Variants in IGFL3 observed in about 807,000 individuals in gnomAD.
IGFL3 encodes insulin growth factor-like family member 3.
IGFL3 carries 12 observed loss-of-function variants against 17.0 expected under a neutral mutation model. The ratio of observed to expected loss-of-function variants is 0.71; its 90% CI spans 0.45 to 1.14. IGFL3 has a LOEUF of 1.14. Ranked by LOEUF, IGFL3 falls within the 50% of genes most tolerant of loss-of-function variation. The pLI is 0.00. For synonymous variants in IGFL3, 52 were observed against 57.4 expected (o/e 0.91, Z 0.42); for missense variants, 153 against 151.6 (o/e 1.01, Z -0.05).
At position 46,124,163 on chromosome 19, in the gene IGFL3, G is replaced by A. The variant is rs140425583; in HGVS notation, c.80-7C>T. 1,777 of 1,610,022 alleles carry A rather than the reference G, an allele frequency of 1.1e-3. 130 individuals carry two copies. In the African/African-American group the frequency reaches 0.022, roughly 20 times the overall value. ...CCTGAGCCAACAGGAGCGTCTGGGG[G>A]CAGACATTGATGGTGTACATCCAAG... On this transcript the variant is annotated splice_region_variant and splice_polypyrimidine_tract_variant and intron_variant, in intron 2 of 3. Coordinates refer to ENST00000341415, the MANE Select transcript of IGFL3 (RefSeq NM_207393.2).
rs925740385 is a variant in IGFL3, at chr19:46,123,366, A to G, written c.350+520T>C. Reference sequence around the variant, plus strand: ...ACATTAACTAATAAAAATATGCTCAAATTTACTGACAGAATCATGGACACT... The same window carrying G: ...ACATTAACTAATAAAAATATGCTCAGATTTACTGACAGAATCATGGACACT... On this transcript the variant is annotated intron_variant, in intron 3 of 3. Coordinates refer to ENST00000341415, the MANE Select transcript of IGFL3 (RefSeq NM_207393.2). 2.3e-4 allele frequency among the ~76,000 whole-genome samples: 34 copies of G among 150,934 alleles called. 3 individuals are homozygous for G. Among genetic ancestry groups the G allele is most frequent in the African/African-American group, 6.6e-4 (27 of 40,626 alleles).
intron 3 of IGFL3, 112 bp from the exon 4 acceptor site, chr19:46,120,469 A>C: frequency 1.4e-6 from 2 of 1,476,162 alleles, no homozygotes. Context: ...TGACTGCTAC[A>C]CCAGATGTGT....
Position 46,123,984 on chromosome 19 carries a change from G to C in IGFL3, c.252C>G (p.Pro84=). 1.2e-6 allele frequency: 2 copies of C among 1,611,520 alleles called. No individual in the cohort carries two copies. The highest frequency in any genetic ancestry group is 8.5e-7 in the Non-Finnish European group (1 of 1,179,670). ...TFWPCFELCC[P]ESFGPQQKFL... The stretch of plus-strand genomic sequence containing the variant: ...ACTTCTGCTGGGGGCCAAAAGACTC[G>C]GGACAGCAGAGCTCAAAGCAGGGCC... Residue 84 remains proline (P), a synonymous_variant, in exon 3 of 4, where the codon CCC becomes CCG. Transcript: ENST00000341415.
rs1326603400 is a variant in IGFL3, at chr19:46,123,972, G to T, written c.264C>A (p.Gly88=). The T allele has an allele frequency of 1.2e-6, 2 of 1,611,392 alleles. No homozygotes were observed. The highest frequency in any genetic ancestry group is 1.7e-5 in the Admixed American group (1 of 59,670). ...ACTTCACAAGAAACTTCTGCTGGGGGCCAAAAGACTCGGGACAGCAGAGCT... is the reference window on the plus strand; with the variant it reads ...ACTTCACAAGAAACTTCTGCTGGGGTCCAAAAGACTCGGGACAGCAGAGCT... The part of the protein sequence containing the change: ...CFELCCPESF[G]PQQKFLVKLR... Residue 88 remains glycine, a synonymous_variant, in exon 3 of 4, where the codon GGC becomes GGA. Transcript: ENST00000341415.
Position 46,123,911 on chromosome 19 carries a change from A to G in IGFL3, c.325T>C (p.Ser109Pro). The stretch of plus-strand genomic sequence containing the variant: ...CTGGTACAGCTCCGGGAGATGGGAG[A>G]TAAGTGACACTGAGACTTCATACCC... ...VLGMKSQCHL[S>P]PISRSCTRNR... Residue 109 changes from serine to proline, a missense_variant, in exon 3 of 4, where the codon TCT (serine) becomes CCT (proline). Transcript: ENST00000341415. 6.2e-7 allele frequency: 1 copy of G among 1,611,072 alleles called. No homozygotes were observed. Among genetic ancestry groups the G allele is most frequent in the Non-Finnish European group, 8.5e-7 (1 of 1,179,524 alleles).
chr19:46,123,915 G>C lies in IGFL3; in HGVS notation c.321C>G (p.His107Gln), dbSNP rs150555267. The change falls in exon 3 of 4, where the codon CAC (histidine) becomes CAG (glutamine). Residue 107 changes from histidine to glutamine, a missense_variant. Coordinates refer to ENST00000341415, the MANE Select transcript of IGFL3 (RefSeq NM_207393.2). Reference protein sequence around the residue: ...LRVLGMKSQCHLSPISRSCTR... With the variant: ...LRVLGMKSQCQLSPISRSCTR... ...TACAGCTCCGGGAGATGGGAGATAA[G>C]TGACACTGAGACTTCATACCCAGAA... 44 of 1,611,110 alleles carry C rather than the reference G, an allele frequency of 2.7e-5. 2 individuals are homozygous for C. The highest frequency in any genetic ancestry group is 3.6e-5 in the Non-Finnish European group (43 of 1,179,566).
At position 46,124,273 on chromosome 19, in the gene IGFL3, G is replaced by C; in HGVS notation, c.74C>G (p.Thr25Ser). Residue 25 changes from threonine (T) to serine (S), a missense_variant, in exon 2 of 4, where the codon ACT becomes AGT. Transcript: ENST00000341415. ...TVFLLQCSKG[T>S]TDAPVGSGLW... is the part of the protein sequence containing the mutation. Reference sequence around the variant, plus strand: ...TTTCCCTGTCCTGTCCTTACCTGTAGTTCCTTTTGAACACTGGAGGAGGAA... The same window carrying C: ...TTTCCCTGTCCTGTCCTTACCTGTACTTCCTTTTGAACACTGGAGGAGGAA... 1 of 1,610,848 alleles carries C rather than the reference G, an allele frequency of 6.2e-7. No homozygotes were observed. The highest frequency in any genetic ancestry group is 8.5e-7 in the Non-Finnish European group (1 of 1,179,140).
chr19:46,123,769 C>T, intron 3 of IGFL3, 117 bp downstream of exon 3: 2 of 1,189,230 alleles, frequency 1.7e-6, no homozygotes, highest in Non-Finnish European at 2.4e-6. Context: ...TCCCCTGCTG[C>T]CACCAGCCTG....
chr19:46,122,770 A>G (rs550851379), intron 3 of IGFL3, among the ~76,000 whole-genome samples: 1 of 150,894 alleles, frequency 6.6e-6, no homozygotes, highest in Non-Finnish European at 1.5e-5. Context: ...AAAACCCCCA[A>G]CAGAATAAAG....
intron 2 of IGFL3, 26 bp from the exon 3 acceptor site, chr19:46,124,182 A>G (rs1228581030): frequency 6.2e-7 from 1 of 1,610,286 alleles, no homozygotes; most frequent in Admixed American, 1.7e-5. Flanking sequence ...GATGGTGTAC[A>G]TCCAAGGAAG....
rs1160311911 is a variant in IGFL3 at position 46,124,665 on chromosome 19, C to G, written c.-16G>C. ...GTGGCCTCATGCTTCCAAAGATGCT[C>G]TAGGAGAATTGAAGAAGAGTGGTAA... On this transcript the variant is annotated 5_prime_UTR_variant, in exon 1 of 4. Transcript: ENST00000341415. The G allele has an allele frequency of 2.7e-5, 44 of 1,606,934 alleles. No individual in the cohort carries two copies. Among genetic ancestry groups the G allele is most frequent in the Non-Finnish European group, 3.0e-5 (35 of 1,176,008 alleles).
chr19:46,121,721 A>G (rs1423021910), intron 3 of IGFL3, among the ~76,000 whole-genome samples: 2 of 150,940 alleles, frequency 1.3e-5, no homozygotes, highest in Non-Finnish European at 2.9e-5. Context: ...ATGTAGGTAA[A>G]GAAAGGCAGA....
At position 46,124,267 on chromosome 19, in the gene IGFL3, C is replaced by G. The variant is rs1445493870; in HGVS notation, c.79+1G>C. 2 of 1,610,600 alleles carry G rather than the reference C, an allele frequency of 1.2e-6. No individual in the cohort carries two copies. Among genetic ancestry groups the G allele is most frequent in the African/African-American group, 2.7e-5 (2 of 73,768 alleles). ...CTCATTTTTCCCTGTCCTGTCCTTA[C>G]CTGTAGTTCCTTTTGAACACTGGAG... On this transcript the variant is annotated splice_donor_variant, in intron 2 of 3. Transcript: ENST00000341415. LOFTEE classifies it high-confidence loss of function.
At chr19:46,122,358 C>G (rs1336785521) in intron 3 of IGFL3, among the ~76,000 whole-genome samples, 1 of 151,098 alleles carries the variant, frequency 6.6e-6, no homozygotes, top group Non-Finnish European at 1.5e-5. Context: ...TAATTTTCTC[C>G]CAGCACATCT....
At chr19:46,122,462 A>C (rs1971830090) in intron 3 of IGFL3, among the ~76,000 whole-genome samples, 1 of 151,048 alleles carries the variant, frequency 6.6e-6, no homozygotes, top group Non-Finnish European at 1.5e-5. Flanking sequence ...GATACAGATA[A>C]TAAATGTTAA....
At chr19:46,120,948 A>G (rs74671018) in intron 3 of IGFL3, among the ~76,000 whole-genome samples, 16,716 of 150,764 alleles carry the variant, frequency 0.11, 1,858 homozygotes, top group African/African-American at 0.22. Context: ...AATTTAAATT[A>G]AAAAATTAAA....
In IGFL3 at chr19:46,123,664, G is replaced by A. The variant is rs576528712; in HGVS notation, c.350+222C>T. Among the ~76,000 whole-genome samples, 3 of 150,960 alleles carry A rather than the reference G, an allele frequency of 2.0e-5. No homozygotes were observed. The East Asian group carries it at 5.9e-4, about 30-fold the overall frequency. ...GCTGAGTGTCTGGTGATAGCTGGGTGCAAGAAGATTGTGAGTTATTTATGC... is the reference window on the plus strand; with the variant it reads ...GCTGAGTGTCTGGTGATAGCTGGGTACAAGAAGATTGTGAGTTATTTATGC... On this transcript the variant is annotated intron_variant, in intron 3 of 3. Coordinates refer to ENST00000341415, the MANE Select transcript of IGFL3 (RefSeq NM_207393.2).
chr19:46,120,752 T>G (rs2146708991), intron 3 of IGFL3, among the ~76,000 whole-genome samples: 1 of 151,076 alleles, frequency 6.6e-6, no homozygotes, highest in East Asian at 2.0e-4. Flanking sequence ...GGTTATTGCA[T>G]AGCATGATGC....
At chr19:46,121,605 G>T (rs141266069) in intron 3 of IGFL3, among the ~76,000 whole-genome samples, 30 of 150,738 alleles carry the variant, frequency 2.0e-4, no homozygotes, top group Non-Finnish European at 4.0e-4. Context: ...ATTAGCCAGA[G>T]ATAAAACAAC....
Sources: allele counts gnomAD v4.1 joint callset (sites outside exome capture counted in the v4.1 genomes callset), GRCh38; gene constraint gnomAD v4.1.1; transcripts MANE v1.5; gene names NCBI Gene and HGNC (gene_info 2026-07-23, HGNC 2026-07-21).